The following ADCY3 variants were observed in gnomAD, a reference collection of about 807,000 sequenced individuals.
ADCY3 encodes the protein adenylate cyclase 3, also known as adenylate cyclase type 3.
ADCY3 carries 70 observed loss-of-function variants against 119.4 expected under a neutral mutation model. That is an observed-to-expected ratio of 0.59 (90% confidence interval 0.48 to 0.72). The LOEUF is 0.72. Among genes scored for constraint, ADCY3 ranks in the 30% least tolerant of loss-of-function variants. ADCY3 has a pLI of 0.00. For synonymous variants in ADCY3, 672 were observed against 621.4 expected (o/e 1.08, Z -1.21); for missense variants, 1,238 against 1,541.6 (o/e 0.80, Z 3.30).
chr2:24,867,366 A>C (rs921592262), intron 3 of ADCY3, among the ~76,000 whole-genome samples: 1 of 152,164 alleles, frequency 6.6e-6, no homozygotes, highest in African/African-American at 2.4e-5. Context: ...TGCCAATGTA[A>C]TACTATTAAG....
chr2:24,855,381 C>T (rs1037849440), intron 3 of ADCY3, among the ~76,000 whole-genome samples: 3 of 152,114 alleles, frequency 2.0e-5, no homozygotes, highest in African/African-American at 4.8e-5. Flanking sequence ...AATGTGCTGC[C>T]CTGAGAGGTG....
At chr2:24,830,855 A>G in intron 12 of ADCY3, 30 bp from the exon 13 acceptor site, 1 of 1,549,242 alleles carries the variant, frequency 6.5e-7, no homozygotes, top group Non-Finnish European at 8.9e-7. Context: ...AAGGGCCATG[A>G]GCCTTTGCCA....
chr2:24,827,662 G>A, intron 14 of ADCY3, 54 bp from the exon 15 acceptor site: 1 of 1,534,280 alleles, frequency 6.5e-7, no homozygotes, highest in African/African-American at 1.4e-5. Flanking sequence ...AGAGCCTGAT[G>A]CCCAGCCAGG....
At chr2:24,838,713 G>GCTGCTCGGCCC (rs1452265131) in intron 7 of ADCY3, 91 bp from the exon 8 acceptor site, 1 of 1,589,820 alleles carries the variant, frequency 6.3e-7, no homozygotes, top group Non-Finnish European at 8.6e-7. Context: ...TGCACCGGCT[G>GCTGCTCGGCCC]CTGCTCGGCC....
chr2:24,903,441 G>A (rs1679141983), intron 2 of ADCY3, among the ~76,000 whole-genome samples: 1 of 151,934 alleles, frequency 6.6e-6, no homozygotes, highest in African/African-American at 2.4e-5. Context: ...TGGAAGTCTT[G>A]GCCCTGAGAC....
At chr2:24,890,531 GTGCCTC>G (rs1337131117) in intron 2 of ADCY3, among the ~76,000 whole-genome samples, 6 of 152,158 alleles carry the variant, frequency 3.9e-5, no homozygotes, top group African/African-American at 1.2e-4. Context: ...TTGATAGTTT[GTGCCTC>G]TCAAGTAATT....
chr2:24,821,380 C>G, intron 20 of ADCY3, 137 bp downstream of exon 20: 1 of 1,309,158 alleles, frequency 7.6e-7, no homozygotes, highest in East Asian at 2.3e-5. Context: ...TTTCAGGTCT[C>G]CTTGCCCTGT....
Position 24,918,189 on chromosome 2 carries a change from G to A in ADCY3, c.675+124C>T, listed in dbSNP as rs1303855108. The stretch of plus-strand genomic sequence containing the variant: ...AGGCAGGGACTAGGGAGAGAGGTGA[G>A]AGCCCCGGAGGCCCCCAGGACACAT... On this transcript the variant is annotated intron_variant, in intron 2 of 21. Coordinates refer to ENST00000679454, the MANE Select transcript of ADCY3 (RefSeq NM_004036.5). This position sits in a 1 kb window ranked among gnomAD's most constrained non-coding sequence, Gnocchi z 5.4. 1.9e-6 allele frequency: 2 copies of A among 1,067,860 alleles called. No homozygotes were observed. The highest frequency in any genetic ancestry group is 4.7e-5 in the Admixed American group (2 of 42,274). 66.1% of individuals were successfully genotyped at this position (1,067,860 alleles called of 1,614,324 possible).
rs1012901262 is a variant in ADCY3, at chr2:24,918,633, T to C, written c.355A>G (p.Ile119Val). ...AVAGIGLVLD[I>V]ILFVLCKKGL... The stretch of plus-strand genomic sequence containing the variant: ...TTTTTGCAGAGCACGAAGAGGATGA[T>C]GTCCAACACCAGTCCAATTCCAGCC... Residue 119 changes from isoleucine (I) to valine (V), a missense_variant, in exon 2 of 22, where the codon ATC becomes GTC. Around this residue, in one of 7 missense-constraint regions of ADCY3, gnomAD observed 227 missense variants for 249.3 expected, o/e 0.91. Coordinates refer to ENST00000679454, the MANE Select transcript of ADCY3 (RefSeq NM_004036.5). This position sits in a 1 kb window ranked among gnomAD's most constrained non-coding sequence, Gnocchi z 5.4. 11 of 1,613,988 alleles carry C rather than the reference T, an allele frequency of 6.8e-6. No homozygotes were observed. Among genetic ancestry groups the C allele is most frequent in the Admixed American group, 1.7e-5 (1 of 60,008 alleles).
chr2:24,836,985 T>C lies in ADCY3; in HGVS notation c.1594A>G (p.Lys532Glu). The change falls in exon 9 of 22, where the codon AAG becomes GAG. Residue 532 changes from lysine (K) to glutamate (E), a missense_variant. Physicochemically the swap from Lys to Glu is moderately conservative, Grantham distance 56. Transcript: ENST00000679454. ...KSSSPALIET[K>E]EPNGSAHSSG... ...CTGTGGGCACTCCCGTTGGGCTCCTTGGTCTCAATGAGGGCAGGGGAGCTG... is the reference window on the plus strand; with the variant it reads ...CTGTGGGCACTCCCGTTGGGCTCCTCGGTCTCAATGAGGGCAGGGGAGCTG... 1 of 1,614,030 alleles carries C rather than the reference T, an allele frequency of 6.2e-7. No homozygotes were observed. Among genetic ancestry groups the C allele is most frequent in the South Asian group, 1.1e-5 (1 of 91,072 alleles).
At chr2:24,893,602 C>CTTT (rs10707204) in intron 2 of ADCY3, among the ~76,000 whole-genome samples, 2 of 146,524 alleles carry the variant, frequency 1.4e-5, no homozygotes. Context: ...CAATACCTGT[C>CTTT]TTTTTTTTTT....
At chr2:24,856,129 C>T (rs539399763) in intron 3 of ADCY3, among the ~76,000 whole-genome samples, 1 of 152,246 alleles carries the variant, frequency 6.6e-6, no homozygotes, top group South Asian at 2.1e-4. Context: ...ACAGTTAGGT[C>T]GAGAGAGACC....
At chr2:24,885,456 C>A (rs1192883273) in intron 2 of ADCY3, among the ~76,000 whole-genome samples, 1 of 152,224 alleles carries the variant, frequency 6.6e-6, no homozygotes, top group African/African-American at 2.4e-5. Flanking sequence ...GAACACAGCA[C>A]CCAACACGGC....
rs561914152 is a variant in ADCY3 at position 24,904,518 on chromosome 2, C to T, written c.675+13795G>A. ...CCTGAGCGACAGAGTGAAATTCCAT[C>T]TCAAAAAAAAAGAAAAGAAAAGAAA... On this transcript the variant is annotated intron_variant, in intron 2 of 21. Coordinates refer to ENST00000679454, the MANE Select transcript of ADCY3 (RefSeq NM_004036.5). Among the ~76,000 whole-genome samples the T allele has an allele frequency of 3.4e-3, 519 of 151,712 alleles. 1 individual carries two copies. Among genetic ancestry groups the T allele is most frequent in the Non-Finnish European group, 4.9e-3 (331 of 67,916 alleles).
intron 3 of ADCY3, among the ~76,000 whole-genome samples, chr2:24,866,579 A>AG (rs1392672116): frequency 7.3e-5 from 11 of 150,116 alleles, no homozygotes; most frequent in Non-Finnish European, 1.3e-4. Flanking sequence ...AAAAAAAAAA[A>AG]AAAAAAGAAA....
chr2:24,918,177 GGA>G lies in ADCY3; in HGVS notation c.675+134_675+135del, dbSNP rs996458383. Reference sequence around the variant, plus strand: ...ACAGGGGTGAAAAGGCAGGGACTAGGGAGAGAGGTGAGAGCCCCGGAGGCCCC... The same window carrying G: ...ACAGGGGTGAAAAGGCAGGGACTAGGGAGAGGTGAGAGCCCCGGAGGCCCC... On this transcript the variant is annotated intron_variant, in intron 2 of 21. Transcript: ENST00000679454. The surrounding 1 kb of genome is among the most constrained non-coding windows in gnomAD (Gnocchi z 5.4). 5.3e-6 allele frequency: 5 copies of G among 940,612 alleles called. No homozygotes were observed. Among genetic ancestry groups the G allele is most frequent in the Non-Finnish European group, 8.0e-6 (5 of 627,814 alleles). 58.3% of individuals were successfully genotyped at this position (940,612 alleles called of 1,614,324 possible). A position where few individuals can be genotyped will look rare whatever the true frequency, so the allele number is the denominator to read the frequency against.
intron 3 of ADCY3, among the ~76,000 whole-genome samples, chr2:24,866,461 T>A (rs1572932408): frequency 6.8e-6 from 1 of 146,660 alleles, no homozygotes; most frequent in African/African-American, 2.5e-5. Flanking sequence ...CCTGCAGTCC[T>A]AGCTACTCAA....
rs1678569830 is a variant in ADCY3 at position 24,898,720 on chromosome 2, G to A, written c.675+19593C>T. On this transcript the variant is annotated intron_variant, in intron 2 of 21. Transcript: ENST00000679454. This position sits in a 1 kb window ranked among gnomAD's most constrained non-coding sequence, Gnocchi z 4.3. Reference sequence around the variant, plus strand: ...CAGCTCCCGGCTCCAGGTCTCTGGGGAGACAACCCTTGCCTGGGGAAGCCT... The same window carrying A: ...CAGCTCCCGGCTCCAGGTCTCTGGGAAGACAACCCTTGCCTGGGGAAGCCT... Among the ~76,000 whole-genome samples the A allele has an allele frequency of 6.6e-6, 1 of 152,176 alleles. No individual in the cohort carries two copies. Among genetic ancestry groups the A allele is most frequent in the Non-Finnish European group, 1.5e-5 (1 of 68,028 alleles).
chr2:24,918,384 T>C lies in ADCY3; in HGVS notation c.604A>G (p.Thr202Ala). 1 of 1,613,026 alleles carries C rather than the reference T, an allele frequency of 6.2e-7. No homozygotes were observed. The highest frequency in any genetic ancestry group is 1.1e-5 in the South Asian group (1 of 90,994). The change falls in exon 2 of 22, where the codon ACG becomes GCG. Residue 202 changes from threonine (T) to alanine (A), a missense_variant. Transcript: ENST00000679454. This position sits in a 1 kb window ranked among gnomAD's most constrained non-coding sequence, Gnocchi z 5.4. Reference protein sequence around the residue: ...IISVVSCVVHTLVLGVTVAQQ... With the variant: ...IISVVSCVVHALVLGVTVAQQ... ...GCCACGGTGACCCCCAGGACCAACG[T>C]GTGCACCACACAGGAGACCACGGAG...
Sources: allele counts gnomAD v4.1 joint callset (sites outside exome capture counted in the v4.1 genomes callset), GRCh38; gene constraint gnomAD v4.1.1; regional missense constraint gnomAD v4.1.1; non-coding constraint Gnocchi (gnomAD v3.1); transcripts MANE v1.5; gene names NCBI Gene and HGNC (gene_info 2026-07-23, HGNC 2026-07-21).